The following LSAMP variants were observed in gnomAD, a reference collection of about 807,000 sequenced individuals.
LSAMP encodes limbic system-associated membrane protein.
LSAMP carries 7 observed loss-of-function variants against 38.6 expected under a neutral mutation model. The ratio of observed to expected loss-of-function variants is 0.18; its 90% CI spans 0.10 to 0.34. The LOEUF is 0.34. LSAMP is among the 10% of genes least tolerant of loss of function. The probability of loss-of-function intolerance (pLI) is 1.00; values close to 1 mark genes in which losing one functional copy is unlikely to be tolerated. For missense variants in LSAMP, 313 were observed against 420.0 expected (o/e 0.75, Z 2.23); for synonymous variants, 154 against 166.8 (o/e 0.92, Z 0.59).
chr3:116,183,658 T>C (rs1262425983), intron 1 of LSAMP, among the ~76,000 whole-genome samples: 1 of 151,858 alleles, frequency 6.6e-6, no homozygotes, highest in Non-Finnish European at 1.5e-5. Flanking sequence ...TTCAAATAAA[T>C]GACAGTTGCC....
chr3:115,884,999 C>T (rs1198980027), intron 3 of LSAMP, among the ~76,000 whole-genome samples: 1 of 151,838 alleles, frequency 6.6e-6, no homozygotes, highest in Admixed American at 6.6e-5. Flanking sequence ...AAGGCGTTCA[C>T]AGAAGAAAGT....
intron 3 of LSAMP, among the ~76,000 whole-genome samples, chr3:115,891,442 A>C (rs906006996): frequency 3.3e-5 from 5 of 152,050 alleles, no homozygotes; most frequent in African/African-American, 1.2e-4. Flanking sequence ...GAGCCACGTC[A>C]TCCCAGTCAA....
intron 1 of LSAMP, among the ~76,000 whole-genome samples, chr3:116,423,522 C>A (rs1022570286): frequency 1.3e-4 from 20 of 152,160 alleles, no homozygotes; most frequent in African/African-American, 4.8e-4. Flanking sequence ...GCTTTCCTAT[C>A]CCTCCTCCTC....
At position 115,947,201 on chromosome 3, in the gene LSAMP, T is replaced by G. The variant is rs562555441; in HGVS notation, c.514+72314A>C. On this transcript the variant is annotated intron_variant, in intron 3 of 6. Transcript: ENST00000490035. Reference sequence around the variant, plus strand: ...ATCTACAGTAAATATTATATTTGATTATGAAGTATTGAAAGTTTTCCCTTA... The same window carrying G: ...ATCTACAGTAAATATTATATTTGATGATGAAGTATTGAAAGTTTTCCCTTA... Among the ~76,000 whole-genome samples the G allele has an allele frequency of 1.1e-3, 166 of 152,258 alleles. 1 individual carries two copies. In the South Asian group the frequency reaches 0.016, roughly 15 times the overall value.
Position 115,804,973 on chromosome 3 carries a change from A to C in LSAMP, c.*5344T>G, listed in dbSNP as rs1417498843. On this transcript the variant is annotated 3_prime_UTR_variant, in exon 7 of 7. Transcript: ENST00000490035. ...TTTTTATATTGCACAATTTCTTAGA[A>C]TCCAGATGGCAAGCTTTCCCACTGC... 1.3e-5 allele frequency: 2 copies of C among 152,192 alleles called. No homozygotes were observed. The highest frequency in any genetic ancestry group is 6.5e-5 in the Admixed American group (1 of 15,274). 9.4% of individuals were successfully genotyped at this position (152,192 alleles called of 1,614,324 possible).
At chr3:115,913,201 T>C (rs1937171331) in intron 3 of LSAMP, among the ~76,000 whole-genome samples, 1 of 152,190 alleles carries the variant, frequency 6.6e-6, no homozygotes, top group South Asian at 2.1e-4. Flanking sequence ...AATTTTAATG[T>C]TGATGATTAA....
At chr3:116,291,024 A>T (rs907626983) in intron 1 of LSAMP, among the ~76,000 whole-genome samples, 1 of 152,104 alleles carries the variant, frequency 6.6e-6, no homozygotes, top group African/African-American at 2.4e-5. Context: ...CCAACAAGAA[A>T]CTGTTAATCT....
rs1937734213 is a variant in LSAMP, at chr3:115,937,248, GCTT to G, written c.514+82264_514+82266del. 3.9e-5 allele frequency among the ~76,000 whole-genome samples: 6 copies of G among 152,244 alleles called. No individual in the cohort carries two copies. In the South Asian group the frequency reaches 1.2e-3, roughly 32 times the overall value. On this transcript the variant is annotated intron_variant, in intron 3 of 6. Coordinates refer to ENST00000490035, the MANE Select transcript of LSAMP (RefSeq NM_002338.5). Reference sequence around the variant, plus strand: ...CCATTAACAGCAGCACCTAGTGTCAGCTTCTAGAATTTCAGGCACAATGAATAA... The same window carrying G: ...CCATTAACAGCAGCACCTAGTGTCAGCTAGAATTTCAGGCACAATGAATAA...
chr3:116,285,966 T>G (rs1248251509), intron 1 of LSAMP, among the ~76,000 whole-genome samples: 1 of 152,096 alleles, frequency 6.6e-6, no homozygotes, highest in Non-Finnish European at 1.5e-5. Context: ...GAAAACAGGC[T>G]TCATCTCTAG....
At chr3:116,247,682 C>A (rs986087083) in intron 1 of LSAMP, among the ~76,000 whole-genome samples, 1 of 152,076 alleles carries the variant, frequency 6.6e-6, no homozygotes, top group African/African-American at 2.4e-5. Context: ...GGGAGAAATA[C>A]CAAACTGAAT....
chr3:115,986,119 A>C (rs1939502629), intron 3 of LSAMP, among the ~76,000 whole-genome samples: 1 of 152,192 alleles, frequency 6.6e-6, no homozygotes. Context: ...TCTTGATCTC[A>C]AATGGTAACA....
chr3:116,218,894 T>C (rs2046250897), intron 1 of LSAMP, among the ~76,000 whole-genome samples: 1 of 152,226 alleles, frequency 6.6e-6, no homozygotes, highest in Admixed American at 6.5e-5. Context: ...TTGGTAACAA[T>C]GTATGCCTCT....
At chr3:116,246,036 C>T (rs536561332) in intron 1 of LSAMP, among the ~76,000 whole-genome samples, 95 of 152,224 alleles carry the variant, frequency 6.2e-4, no homozygotes, top group Non-Finnish European at 1.1e-3. Flanking sequence ...AGCAGTCATC[C>T]AGTCCAAACT....
In LSAMP at chr3:116,206,418, A is replaced by C. The variant is rs1239437898; in HGVS notation, c.156-119862T>G. On this transcript the variant is annotated intron_variant, in intron 1 of 6. Transcript: ENST00000490035. ...CTCTATTTCCTTCAGTTCTGCTCTGATTTTAGTTATTTCTTGCCTTCTGCT... is the reference window on the plus strand; with the variant it reads ...CTCTATTTCCTTCAGTTCTGCTCTGCTTTTAGTTATTTCTTGCCTTCTGCT... 4.0e-5 allele frequency among the ~76,000 whole-genome samples: 6 copies of C among 148,808 alleles called. No homozygotes were observed. In the Admixed American group the frequency reaches 4.1e-4, roughly 10 times the overall value.
chr3:115,906,869 G>T (rs938366238), intron 3 of LSAMP, among the ~76,000 whole-genome samples: 3 of 152,076 alleles, frequency 2.0e-5, no homozygotes, highest in African/African-American at 7.2e-5. Context: ...TTATATCTTT[G>T]CTAGCTTAAT....
At chr3:116,147,177 T>G (rs563598127) in intron 1 of LSAMP, among the ~76,000 whole-genome samples, 1 of 152,046 alleles carries the variant, frequency 6.6e-6, no homozygotes, top group African/African-American at 2.4e-5. Context: ...ATACGTTCTA[T>G]TTGTCATTAT....
chr3:116,119,038 A>C (rs1708815281), intron 1 of LSAMP, among the ~76,000 whole-genome samples: 2 of 152,196 alleles, frequency 1.3e-5, no homozygotes, highest in African/African-American at 4.8e-5. Context: ...CAAAATGTTT[A>C]GTAATAGATT....
intron 3 of LSAMP, among the ~76,000 whole-genome samples, chr3:115,970,448 C>T (rs956813082): frequency 1.3e-5 from 2 of 152,072 alleles, no homozygotes; most frequent in Non-Finnish European, 2.9e-5. Context: ...ATGTCTGTAC[C>T]AATCAGTTTG....
chr3:116,215,085 C>T (rs543178032), intron 1 of LSAMP, among the ~76,000 whole-genome samples: 63 of 152,210 alleles, frequency 4.1e-4, no homozygotes, highest in Admixed American at 1.6e-3. Context: ...GGATACATTG[C>T]GGACGGATGG....
Sources: gnomAD v4.1 joint callset for allele counts (sites outside exome capture counted in the v4.1 genomes callset) on GRCh38, gnomAD v4.1.1 for gene constraint, MANE v1.5 for transcripts, NCBI Gene and HGNC (gene_info 2026-07-23, HGNC 2026-07-21) for gene names.